SF3A2: variants seen among roughly 807,000 people sequenced by gnomAD.
The protein encoded by SF3A2 is splicing factor 3a subunit 2, also known as SAP 62.
Under a neutral mutation model 31.1 loss-of-function variants are expected in SF3A2, and 5 were observed. That is an observed-to-expected ratio of 0.16 (90% confidence interval 0.08 to 0.34). The LOEUF is 0.34. Among genes scored for constraint, SF3A2 ranks in the 10% least tolerant of loss-of-function variants. SF3A2 has a pLI of 1.00. For synonymous variants in SF3A2, 365 were observed against 263.7 expected, an observed-to-expected ratio of 1.38 and a Z score of -3.72; for missense variants, 577 against 643.9, an observed-to-expected ratio of 0.90 and a Z score of 1.13.
rs1599654980 is a variant in SF3A2 at position 2,247,747 on chromosome 19, A to G, written c.616-20A>G. The G allele has an allele frequency of 1.9e-6, 3 of 1,611,828 alleles. No homozygotes were observed. The highest frequency in any genetic ancestry group is 2.5e-6 in the Non-Finnish European group (3 of 1,179,250). ...CCCTAGCCCCACCCGTGCCTGCTGA[A>G]CCTTTCTCCGTCTCTCTAGTTCTTC... On this transcript the variant is annotated intron_variant, in intron 8 of 8. Coordinates refer to ENST00000221494, the MANE Select transcript of SF3A2 (RefSeq NM_007165.5).
In SF3A2 at chr19:2,243,487, C is replaced by T. The variant is rs1319644296; in HGVS notation, c.69C>T (p.Asn23=). The stretch of plus-strand genomic sequence containing the variant: ...GCGTGGCCTCCTCCTCCGAGAGCAA[C>T]CGTGACCGCAGGGAGCGCCTCCGGC... ...SGGVASSSES[N]RDRRERLRQL... The change falls in exon 2 of 9, where the codon AAC becomes AAT. Residue 23 remains asparagine, a synonymous_variant. Coordinates refer to ENST00000221494, the MANE Select transcript of SF3A2 (RefSeq NM_007165.5). 3 of 1,552,166 alleles carry T rather than the reference C, an allele frequency of 1.9e-6. No individual in the cohort carries two copies. The highest frequency in any genetic ancestry group is 2.5e-5 in the East Asian group (1 of 39,650).
intron 1 of SF3A2, among the ~76,000 whole-genome samples, chr19:2,238,278 T>C (rs2145004756): frequency 6.6e-6 from 1 of 152,204 alleles, no homozygotes; most frequent in East Asian, 1.9e-4. Flanking sequence ...TGCCACGGCC[T>C]CCCAAAGTGG....
chr19:2,240,977 C>T (rs937223266), intron 1 of SF3A2, among the ~76,000 whole-genome samples: 8 of 152,234 alleles, frequency 5.3e-5, no homozygotes, highest in Non-Finnish European at 8.8e-5. Flanking sequence ...CACTGCTCTT[C>T]TCTCTGCCAG....
At chr19:2,238,203 T>C (rs2024854259) in intron 1 of SF3A2, among the ~76,000 whole-genome samples, 1 of 152,186 alleles carries the variant, frequency 6.6e-6, no homozygotes, top group Admixed American at 6.5e-5. Flanking sequence ...TTTGTATTTT[T>C]TGTAGAGACG....
chr19:2,247,819 T>A lies in SF3A2; in HGVS notation c.668T>A (p.Leu223His). 1.9e-6 allele frequency: 3 copies of A among 1,603,568 alleles called. No homozygotes were observed. The highest frequency in any genetic ancestry group is 2.6e-6 in the Non-Finnish European group (3 of 1,175,092). Residue 223 changes from leucine (L) to histidine (H), a missense_variant, in exon 9 of 9, where the codon CTC becomes CAC. Leu to His is a moderately conservative substitution (Grantham distance 99). Coordinates refer to ENST00000221494, the MANE Select transcript of SF3A2 (RefSeq NM_007165.5). ...KMEKPPAPPS[L>H]PAGPPGVKRP... Reference sequence around the variant, plus strand: ...GAGAAGCCCCCGGCTCCACCCAGCCTCCCTGCTGGCCCCCCTGGGGTGAAG... The same window carrying A: ...GAGAAGCCCCCGGCTCCACCCAGCCACCCTGCTGGCCCCCCTGGGGTGAAG...
At chr19:2,238,446 T>A in intron 1 of SF3A2, among the ~76,000 whole-genome samples, 1 of 152,086 alleles carries the variant, frequency 6.6e-6, no homozygotes, top group East Asian at 1.9e-4. Flanking sequence ...TCTGCTGATT[T>A]CTTGTCACGG....
At position 2,247,869 on chromosome 19, in the gene SF3A2, G is replaced by C. The variant is rs755308302; in HGVS notation, c.718G>C (p.Gly240Arg). The stretch of plus-strand genomic sequence containing the variant: ...GCGGCCTCCACCCCCGCTGATGAAC[G>C]GTCTGCCCCCTCGGCCACCGCTGCC... ...VKRPPPPLMNGLPPRPPLPES... is the reference protein window; with the variant it reads ...VKRPPPPLMNRLPPRPPLPES... The change falls in exon 9 of 9, where the codon GGT (glycine) becomes CGT (arginine). Residue 240 changes from glycine (G) to arginine (R), a missense_variant. Physicochemically the swap from Gly to Arg is moderately radical, Grantham distance 125 (BLOSUM62 -2). Coordinates refer to ENST00000221494, the MANE Select transcript of SF3A2 (RefSeq NM_007165.5). The C allele has an allele frequency of 6.4e-7, 1 of 1,558,322 alleles. No individual in the cohort carries two copies. The highest frequency in any genetic ancestry group is 8.8e-7 in the Non-Finnish European group (1 of 1,141,184).
Position 2,246,872 on chromosome 19 carries a change from G to A in SF3A2, c.406-10G>A. The A allele has an allele frequency of 6.2e-7, 1 of 1,612,536 alleles. No individual in the cohort carries two copies. The highest frequency in any genetic ancestry group is 8.5e-7 in the Non-Finnish European group (1 of 1,179,430). On this transcript the variant is annotated splice_polypyrimidine_tract_variant and intron_variant, in intron 6 of 8. Transcript: ENST00000221494. This position sits in a 1 kb window ranked among gnomAD's most constrained non-coding sequence, Gnocchi z 5.5. ...AGAGGCGGCTCTGCCACCCGGCCGTGTCCCTGCAGATTGACTACCCTGAGA... is the reference window on the plus strand; with the variant it reads ...AGAGGCGGCTCTGCCACCCGGCCGTATCCCTGCAGATTGACTACCCTGAGA...
At position 2,245,698 on chromosome 19, in the gene SF3A2, C is replaced by A; in HGVS notation, c.355+143C>A. 1 of 661,786 alleles carries A rather than the reference C, an allele frequency of 1.5e-6. No individual in the cohort carries two copies. The highest frequency in any genetic ancestry group is 2.7e-6 in the Non-Finnish European group (1 of 368,598). 41.0% of individuals were successfully genotyped at this position (661,786 alleles called of 1,614,324 possible). ...GCCTTGGTGGCCGTCCCTCACCCAC[C>A]TGCAGCCTCTGGCGTTGTGTCTGGG... On this transcript the variant is annotated intron_variant, in intron 5 of 8. Transcript: ENST00000221494. This position sits in a 1 kb window ranked among gnomAD's most constrained non-coding sequence, Gnocchi z 4.2.
intron 1 of SF3A2, among the ~76,000 whole-genome samples, chr19:2,239,704 G>GT (rs897040264): frequency 6.6e-6 from 1 of 151,898 alleles, no homozygotes; most frequent in African/African-American, 2.4e-5. Context: ...TTTGTTGGGT[G>GT]TTTTTTCAGT....
At chr19:2,243,978 T>G (rs546380811) in intron 2 of SF3A2, among the ~76,000 whole-genome samples, 1 of 152,322 alleles carries the variant, frequency 6.6e-6, no homozygotes, top group East Asian at 1.9e-4. Context: ...GCAAGGGCTC[T>G]GTTACCGTCC....
chr19:2,247,323 G>A (rs931436886), intron 7 of SF3A2: 1 of 562,360 alleles, frequency 1.8e-6, no homozygotes, highest in South Asian at 2.4e-5. Context: ...GCTTCCTACA[G>A]CCTGTCCCCA....
Position 2,247,591 on chromosome 19 carries a change from C to A in SF3A2, c.547-3C>A. The stretch of plus-strand genomic sequence containing the variant: ...GAGCCCTCTCTGTCCCCCGCCCTCC[C>A]AGGTGCCGAGCAGAGAGATCGACAA... On this transcript the variant is annotated splice_region_variant and splice_polypyrimidine_tract_variant and intron_variant, in intron 7 of 8. Coordinates refer to ENST00000221494, the MANE Select transcript of SF3A2 (RefSeq NM_007165.5). 11 of 1,613,254 alleles carry A rather than the reference C, an allele frequency of 6.8e-6. No individual in the cohort carries two copies. The highest frequency in any genetic ancestry group is 9.3e-6 in the Non-Finnish European group (11 of 1,179,724).
intron 7 of SF3A2, chr19:2,247,253 G>A (rs2024946108): frequency 1.9e-6 from 1 of 539,528 alleles, no homozygotes; most frequent in Non-Finnish European, 3.2e-6. Flanking sequence ...GCAGGGCTGA[G>A]CGCCAGGCCT....
At chr19:2,242,034 T>C (rs945388065) in intron 1 of SF3A2, among the ~76,000 whole-genome samples, 1 of 152,180 alleles carries the variant, frequency 6.6e-6, no homozygotes, top group Non-Finnish European at 1.5e-5. Flanking sequence ...AAGGGGTGAC[T>C]TCAGGCCCCA....
In SF3A2 at chr19:2,248,281, C is replaced by CG; in HGVS notation, c.1135dup (p.Val379GlyfsTer?). Reference sequence around the variant, plus strand: ...TCAGCGGGGGTTCACCCCCAGGCCCCGGGGGTGCACCCAGCAGCCCCCGCC... The same window carrying CG: ...TCAGCGGGGGTTCACCCCCAGGCCCCGGGGGGTGCACCCAGCAGCCCCCGCC... On this transcript the variant is annotated frameshift_variant, in exon 9 of 9. Coordinates refer to ENST00000221494, the MANE Select transcript of SF3A2 (RefSeq NM_007165.5). LOFTEE classifies it low-confidence loss of function (END_TRUNC). 2 of 1,406,618 alleles carry CG rather than the reference C, an allele frequency of 1.4e-6. No homozygotes were observed. The highest frequency in any genetic ancestry group is 9.2e-7 in the Non-Finnish European group (1 of 1,081,290). 87.1% of individuals were successfully genotyped at this position (1,406,618 alleles called of 1,614,324 possible).
Position 2,240,950 on chromosome 19 carries a change from C to T in SF3A2, c.-37-2432C>T, listed in dbSNP as rs140175968. On this transcript the variant is annotated intron_variant, in intron 1 of 8. Coordinates refer to ENST00000221494, the MANE Select transcript of SF3A2 (RefSeq NM_007165.5). Reference sequence around the variant, plus strand: ...CGCTCCTCCTGGGCCCTGGGTCCTCCGCAGACACGTCCCACCCACTGCTCT... The same window carrying T: ...CGCTCCTCCTGGGCCCTGGGTCCTCTGCAGACACGTCCCACCCACTGCTCT... 3.5e-3 allele frequency among the ~76,000 whole-genome samples: 530 copies of T among 152,288 alleles called. 4 individuals are homozygous for T. The highest frequency in any genetic ancestry group is 0.012 in the African/African-American group (492 of 41,566).
chr19:2,239,340 G>A (rs1266621865), intron 1 of SF3A2, among the ~76,000 whole-genome samples: 2 of 129,694 alleles, frequency 1.5e-5, no homozygotes, highest in Non-Finnish European at 3.1e-5. Context: ...CTGGGCGACA[G>A]AGCGAGAATC....
chr19:2,239,804 C>CCAAACCA (rs2145006837), intron 1 of SF3A2, among the ~76,000 whole-genome samples: 1 of 152,254 alleles, frequency 6.6e-6, no homozygotes, highest in East Asian at 1.9e-4. Flanking sequence ...TTTGGCTCAG[C>CCAAACCA]TTCCAACTCT....
Sources: gnomAD v4.1 joint callset for allele counts (sites outside exome capture counted in the v4.1 genomes callset) on GRCh38, gnomAD v4.1.1 for gene constraint, Gnocchi (gnomAD v3.1) non-coding constraint, MANE v1.5 for transcripts, NCBI Gene and HGNC (gene_info 2026-07-23, HGNC 2026-07-21) for gene names.